NME7: variants seen among roughly 807,000 people sequenced by gnomAD.
NME7 encodes the protein nucleoside diphosphate kinase 7.
NME7 carries 41 observed loss-of-function variants against 49.1 expected under a neutral mutation model. The ratio of observed to expected loss-of-function variants is 0.83; its 90% CI spans 0.65 to 1.08. NME7 has a LOEUF of 1.08. NME7 is among the 50% of genes least tolerant of loss of function. NME7 has a pLI of 0.00. For missense variants in NME7, 423 were observed against 463.4 expected, an observed-to-expected ratio of 0.91 and a Z score of 0.80; for synonymous variants, 139 against 150.6, an observed-to-expected ratio of 0.92 and a Z score of 0.56.
intron 10 of NME7, among the ~76,000 whole-genome samples, chr1:169,181,364 T>TACACACACACACACAC (rs58453647): frequency 2.5e-4 from 23 of 91,570 alleles, no homozygotes; most frequent in African/African-American, 6.8e-4. Flanking sequence ...CTCAAATTCC[T>TACACACACACACACAC]ACACACACAC....
At chr1:169,197,327 G>A (rs1423599505) in intron 10 of NME7, among the ~76,000 whole-genome samples, 1 of 152,038 alleles carries the variant, frequency 6.6e-6, no homozygotes, top group Non-Finnish European at 1.5e-5. Context: ...ATTTAAGTGT[G>A]TAATTCTGGA....
intron 3 of NME7, among the ~76,000 whole-genome samples, chr1:169,318,406 G>A (rs1428861858): frequency 6.6e-6 from 1 of 152,130 alleles, no homozygotes; most frequent in Non-Finnish European, 1.5e-5. Flanking sequence ...ATAAAAAAGA[G>A]AAGAGAAATA....
intron 1 of NME7, among the ~76,000 whole-genome samples, chr1:169,364,836 G>T (rs1324804744): frequency 5.3e-5 from 8 of 152,166 alleles, no homozygotes; most frequent in Admixed American, 5.2e-4. Context: ...CTAATAGAAG[G>T]CCGCAAGGTT....
At chr1:169,206,102 C>A (rs1204814160) in intron 10 of NME7, among the ~76,000 whole-genome samples, 1 of 151,990 alleles carries the variant, frequency 6.6e-6, no homozygotes, top group Non-Finnish European at 1.5e-5. Context: ...ACCCTATTTC[C>A]CTCCCCTGCT....
At chr1:169,148,850 T>C (rs1658830627) in intron 11 of NME7, among the ~76,000 whole-genome samples, 1 of 152,228 alleles carries the variant, frequency 6.6e-6, no homozygotes, top group Admixed American at 6.5e-5. Flanking sequence ...AAAGGGCACT[T>C]TGTCTCCCTT....
intron 1 of NME7, among the ~76,000 whole-genome samples, chr1:169,336,327 T>C (rs548278995): frequency 6.6e-6 from 1 of 152,232 alleles, no homozygotes; most frequent in South Asian, 2.1e-4. Flanking sequence ...TTCCACAGTG[T>C]GGAAGGGGAC....
intron 6 of NME7, among the ~76,000 whole-genome samples, chr1:169,291,466 C>T (rs10919125): frequency 0.083 from 12,562 of 151,916 alleles, 703 homozygotes; most frequent in Admixed American, 0.19. Context: ...ACAATGAGAA[C>T]ACAAGGAGGG....
At chr1:169,331,148 G>A (rs1652240700) in intron 1 of NME7, among the ~76,000 whole-genome samples, 1 of 152,094 alleles carries the variant, frequency 6.6e-6, no homozygotes, top group East Asian at 1.9e-4. Context: ...TGGGATGCAA[G>A]GATGGTTCAA....
intron 3 of NME7, among the ~76,000 whole-genome samples, chr1:169,311,156 C>G (rs1372898008): frequency 6.6e-6 from 1 of 152,006 alleles, no homozygotes; most frequent in Non-Finnish European, 1.5e-5. Flanking sequence ...CGGTGGCTCA[C>G]GCCTGTAATC....
rs1421830941 is a variant in NME7, at chr1:169,287,815, T to C, written c.649-407A>G. Among the ~76,000 whole-genome samples the C allele has an allele frequency of 4.6e-5, 7 of 152,216 alleles. No individual in the cohort carries two copies. In the East Asian group the frequency reaches 9.6e-4, roughly 21 times the overall value. On this transcript the variant is annotated intron_variant, in intron 6 of 11. Coordinates refer to ENST00000367811, the MANE Select transcript of NME7 (RefSeq NM_013330.5). Reference sequence around the variant, plus strand: ...TAAAATTTAAAACTAGGAAATTTTATAGGAACAGAGATTAATATCAGGAAT... The same window carrying C: ...TAAAATTTAAAACTAGGAAATTTTACAGGAACAGAGATTAATATCAGGAAT...
chr1:169,227,278 A>G (rs1185382830), intron 10 of NME7, among the ~76,000 whole-genome samples: 2 of 152,102 alleles, frequency 1.3e-5, no homozygotes, highest in South Asian at 2.1e-4. Context: ...TGTAGCCCCA[A>G]AGTGTTGTTG....
At chr1:169,225,951 A>T (rs1647322818) in intron 10 of NME7, among the ~76,000 whole-genome samples, 1 of 152,228 alleles carries the variant, frequency 6.6e-6, no homozygotes, top group Non-Finnish European at 1.5e-5. Flanking sequence ...CTTAGAAAAT[A>T]ATTTGTAAGA....
intron 1 of NME7, among the ~76,000 whole-genome samples, chr1:169,353,700 C>T (rs1057074009): frequency 6.6e-6 from 1 of 151,846 alleles, no homozygotes; most frequent in Non-Finnish European, 1.5e-5. Flanking sequence ...AACAACTCTA[C>T]AGGAAAAAAA....
intron 8 of NME7, among the ~76,000 whole-genome samples, chr1:169,236,103 GAGGAA>G (rs1647848532): frequency 6.6e-6 from 1 of 152,038 alleles, no homozygotes; most frequent in Admixed American, 6.6e-5. Flanking sequence ...CTACCATAGG[GAGGAA>G]ATTCTGTTGG....
At chr1:169,167,566 G>T (rs932394) in intron 11 of NME7, among the ~76,000 whole-genome samples, 1 of 151,688 alleles carries the variant, frequency 6.6e-6, no homozygotes, top group Non-Finnish European at 1.5e-5. Context: ...TTGGATTTTG[G>T]CCTAGAAATA....
At chr1:169,148,914 T>C (rs1361071648) in intron 11 of NME7, among the ~76,000 whole-genome samples, 1 of 152,234 alleles carries the variant, frequency 6.6e-6, no homozygotes, top group African/African-American at 2.4e-5. Context: ...CCTTGGCATC[T>C]TTTCTCAGTT....
intron 10 of NME7, among the ~76,000 whole-genome samples, chr1:169,181,749 A>G (rs1250215814): frequency 6.6e-6 from 1 of 152,144 alleles, no homozygotes; most frequent in Non-Finnish European, 1.5e-5. Flanking sequence ...GGCAAAGGAC[A>G]CTGATATTCT....
In NME7 at chr1:169,366,950, A is replaced by G. The variant is rs190762587; in HGVS notation, c.3+758T>C. 1.4e-3 allele frequency among the ~76,000 whole-genome samples: 219 copies of G among 152,306 alleles called. 2 individuals are homozygous for G. The highest frequency in any genetic ancestry group is 9.8e-4 in the Non-Finnish European group (67 of 68,032). On this transcript the variant is annotated intron_variant, in intron 1 of 11. Transcript: ENST00000367811. ...TCTATCCTCCAGTCCGTTATCCATA[A>G]GTGCTTAAAAGATATGGTAGTTAAG...
chr1:169,231,355 T>C (rs978025937), intron 9 of NME7, among the ~76,000 whole-genome samples: 1 of 152,182 alleles, frequency 6.6e-6, no homozygotes, highest in African/African-American at 2.4e-5. Context: ...AGGTGAGCTG[T>C]AGAATTGCTC....
Sources: allele counts gnomAD v4.1 joint callset (sites outside exome capture counted in the v4.1 genomes callset), GRCh38; gene constraint gnomAD v4.1.1; transcripts MANE v1.5; gene names NCBI Gene and HGNC (gene_info 2026-07-23, HGNC 2026-07-21).